Variants in SHPRH observed in about 807,000 individuals in gnomAD.
SHPRH encodes E3 ubiquitin-protein ligase SHPRH.
SHPRH carries 106 observed loss-of-function variants against 202.5 expected under a neutral mutation model. That is an observed-to-expected ratio of 0.52 (90% CI 0.45 to 0.62). The LOEUF is 0.62. Among genes scored for constraint, SHPRH ranks in the 20% least tolerant of loss-of-function variants. The pLI is 0.00. For synonymous variants in SHPRH, 729 were observed against 686.0 expected (o/e 1.06, Z -0.98); for missense variants, 1,710 against 2,020.0 (o/e 0.85, Z 2.94).
At chr6:145,960,314 C>T (rs1011385742) in intron 1 of SHPRH, among the ~76,000 whole-genome samples, 4 of 152,234 alleles carry the variant, frequency 2.6e-5, no homozygotes, top group African/African-American at 9.6e-5. Flanking sequence ...TATCCATGGA[C>T]CCAATGTCAA....
At chr6:145,892,154 CAT>C (rs980593850) in intron 28 of SHPRH, among the ~76,000 whole-genome samples, 55 of 152,274 alleles carry the variant, frequency 3.6e-4, no homozygotes, top group African/African-American at 1.3e-3. Context: ...ATCTCTTTCT[CAT>C]ACTTTATACT....
chr6:145,863,778 T>G (rs1271642363), downstream of SHPRH, among the ~76,000 whole-genome samples: 2 of 152,136 alleles, frequency 1.3e-5, no homozygotes, highest in East Asian at 3.9e-4. Context: ...TTCGAGAGGG[T>G]AAATTTCACA....
intron 6 of SHPRH, 88 bp downstream of exon 6, chr6:145,947,405 G>T: frequency 7.1e-7 from 1 of 1,415,520 alleles, no homozygotes; most frequent in South Asian, 1.5e-5. Context: ...AGAAAGTGTT[G>T]ACTTAAGTGC....
chr6:145,898,468 A>G (rs946403196), intron 25 of SHPRH, among the ~76,000 whole-genome samples: 7 of 152,132 alleles, frequency 4.6e-5, no homozygotes, highest in African/African-American at 1.7e-4. Context: ...AAATAGTGCT[A>G]TGATTTGAGT....
downstream of SHPRH, among the ~76,000 whole-genome samples, chr6:145,881,025 CATTT>C (rs1305081671): frequency 8.5e-5 from 13 of 152,112 alleles, no homozygotes; most frequent in Non-Finnish European, 1.6e-4. Context: ...ATCCAGTGCA[CATTT>C]ATTTAAAATG....
At chr6:145,924,606 G>C in intron 17 of SHPRH, 133 bp downstream of exon 17, 1 of 614,956 alleles carries the variant, frequency 1.6e-6, no homozygotes, top group Non-Finnish European at 2.9e-6. Context: ...CTTGTATTGT[G>C]GGTCAGGCAA....
chr6:145,888,801 T>C (rs1288639142), intron 28 of SHPRH, among the ~76,000 whole-genome samples: 1 of 152,160 alleles, frequency 6.6e-6, no homozygotes, highest in African/African-American at 2.4e-5. Context: ...TAAGGGTGGA[T>C]GCACTATGGT....
At position 145,943,377 on chromosome 6, in the gene SHPRH, C is replaced by G. The variant is rs1401818645; in HGVS notation, c.2004G>C (p.Gln668His). The G allele has an allele frequency of 1.2e-6, 2 of 1,613,882 alleles. No individual in the cohort carries two copies. Among genetic ancestry groups the G allele is most frequent in the Non-Finnish European group, 1.7e-6 (2 of 1,179,972 alleles). The change falls in exon 9 of 30, where the codon CAG becomes CAC. Residue 668 changes from glutamine (Q) to histidine (H), a missense_variant. Physicochemically the swap from Gln to His is conservative, Grantham distance 24 (BLOSUM62 0). Coordinates refer to ENST00000275233, the MANE Select transcript of SHPRH (RefSeq NM_001042683.3). ...ATTGAACACGAGGCTTACGATCTATCTGATCAAGTTCACCACATATACACT... is the reference window on the plus strand; with the variant it reads ...ATTGAACACGAGGCTTACGATCTATGTGATCAAGTTCACCACATATACACT... ...RFECICGELD[Q>H]IDRKPRVQCL...
chr6:145,943,084 T>A, intron 9 of SHPRH, 59 bp downstream of exon 9: 1 of 1,495,152 alleles, frequency 6.7e-7, no homozygotes, highest in South Asian at 1.4e-5. Flanking sequence ...ATTAGGAAAC[T>A]ATCATGAAGA....
chr6:145,962,795 T>C (rs187202191), intron 1 of SHPRH, among the ~76,000 whole-genome samples: 1 of 152,340 alleles, frequency 6.6e-6, no homozygotes, highest in Admixed American at 6.5e-5. Flanking sequence ...TACTAAGTAC[T>C]AGGAAGCTCT....
chr6:145,880,137 T>C (rs2128699045), downstream of SHPRH, among the ~76,000 whole-genome samples: 1 of 152,282 alleles, frequency 6.6e-6, no homozygotes, highest in South Asian at 2.1e-4. Context: ...CTGTTGACTT[T>C]TTCCCTCATG....
intron 2 of SHPRH, among the ~76,000 whole-genome samples, chr6:145,876,430 G>T (rs893439566): frequency 6.6e-6 from 1 of 152,156 alleles, no homozygotes; most frequent in Non-Finnish European, 1.5e-5. Context: ...GAAATATACA[G>T]TATTTTGGGA....
chr6:145,886,572 T>C lies in SHPRH; in HGVS notation c.*119A>G. ...CTGTATAACCAGAACAATAAACAAATTCATTCAACTAGGAACAGTGTTACT... is the reference window on the plus strand; with the variant it reads ...CTGTATAACCAGAACAATAAACAAACTCATTCAACTAGGAACAGTGTTACT... On this transcript the variant is annotated 3_prime_UTR_variant, in exon 30 of 30. Transcript: ENST00000275233. 1 of 1,500,412 alleles carries C rather than the reference T, an allele frequency of 6.7e-7. No individual in the cohort carries two copies. The highest frequency in any genetic ancestry group is 8.9e-7 in the Non-Finnish European group (1 of 1,121,276). 92.9% of individuals were successfully genotyped at this position (1,500,412 alleles called of 1,614,324 possible).
At position 145,894,940 on chromosome 6, in the gene SHPRH, G is replaced by A. The variant is rs1311512087; in HGVS notation, c.4553C>T (p.Thr1518Ile). The change falls in exon 26 of 30, where the codon ACT becomes ATT. Residue 1518 changes from threonine (T) to isoleucine (I), a missense_variant. Thr to Ile is a moderately conservative substitution (Grantham distance 89, BLOSUM62 -1). Coordinates refer to ENST00000275233, the MANE Select transcript of SHPRH (RefSeq NM_001042683.3). ...ATCTCTAAGCTGTATTTTCATCAGA[G>A]TTCTGACCACAGCTTCCACTTTTGT... Reference protein sequence around the residue: ...HSTKVEAVVRTLMKIQLRDPG... With the variant: ...HSTKVEAVVRILMKIQLRDPG... 1 of 1,613,024 alleles carries A rather than the reference G, an allele frequency of 6.2e-7. No individual in the cohort carries two copies.
In SHPRH at chr6:145,960,166, C is replaced by T. The variant is rs147895030; in HGVS notation, c.-33+3565G>A. Among the ~76,000 whole-genome samples, 306 of 152,058 alleles carry T rather than the reference C, an allele frequency of 2.0e-3. 1 individual carries two copies. Among genetic ancestry groups the T allele is most frequent in the African/African-American group, 7.1e-3 (294 of 41,474 alleles). On this transcript the variant is annotated intron_variant, in intron 1 of 29. Coordinates refer to ENST00000275233, the MANE Select transcript of SHPRH (RefSeq NM_001042683.3). ...GGCTCTGCTTAATGTAGTTCCTATC[C>T]CCTCTCCTTGGATCAGCAAAGTAAC...
At chr6:145,858,999 T>C in the SHPRH span, among the ~76,000 whole-genome samples, 2 of 152,042 alleles carry the variant, frequency 1.3e-5, no homozygotes, top group African/African-American at 4.8e-5. Context: ...ATGTAATTCA[T>C]ACCATATTAA....
At chr6:145,873,343 ACT>A (rs1235333510) in intron 2 of SHPRH, among the ~76,000 whole-genome samples, 1 of 151,992 alleles carries the variant, frequency 6.6e-6, no homozygotes, top group Non-Finnish European at 1.5e-5. Context: ...TACTAGGATG[ACT>A]CTAGAGTTTT....
At chr6:145,947,433 T>C (rs1787504993) in intron 6 of SHPRH, 60 bp downstream of exon 6, 1 of 1,560,604 alleles carries the variant, frequency 6.4e-7, no homozygotes, top group East Asian at 2.3e-5. Context: ...ATGTTCAACA[T>C]ACGATGCTTT....
intron 2 of SHPRH, among the ~76,000 whole-genome samples, chr6:145,866,040 ACT>A (rs1168040136): frequency 6.6e-6 from 1 of 151,724 alleles, no homozygotes; most frequent in East Asian, 1.9e-4. Context: ...CTATTTTACA[ACT>A]CTTTGTTAAA....
Sources: gnomAD v4.1 joint callset for allele counts (sites outside exome capture counted in the v4.1 genomes callset) on GRCh38, gnomAD v4.1.1 for gene constraint, MANE v1.5 for transcripts, NCBI Gene and HGNC (gene_info 2026-07-23, HGNC 2026-07-21) for gene names.